PVT1: variants seen among roughly 807,000 people sequenced by gnomAD.
The protein encoded by PVT1 is Pvt1 oncogene.
At chr8:128,039,821 T>C (rs898340909) in intron 4 of PVT1, among the ~76,000 whole-genome samples, 7 of 152,164 alleles carry the variant, frequency 4.6e-5, no homozygotes, top group Non-Finnish European at 7.4e-5. Flanking sequence ...ATTGCAGTAA[T>C]CCTGGCCTGG....
chr8:127,935,624 C>A (rs749943843), intron 3 of PVT1, among the ~76,000 whole-genome samples: 1 of 152,096 alleles, frequency 6.6e-6, no homozygotes, highest in Non-Finnish European at 1.5e-5. Flanking sequence ...AGAAGGTGAG[C>A]CATGCGTGGC....
chr8:127,934,001 G>A (rs1258177642), intron 3 of PVT1, among the ~76,000 whole-genome samples: 5 of 152,364 alleles, frequency 3.3e-5, no homozygotes, highest in Non-Finnish European at 7.3e-5. Context: ...TTACAGAGCT[G>A]TAGGTTGCTC....
chr8:127,868,806 CAT>C (rs74186491), intron 2 of PVT1, among the ~76,000 whole-genome samples: 1,792 of 33,152 alleles, frequency 0.054, 29 homozygotes, highest in East Asian at 0.079. Context: ...TATATATGTA[CAT>C]ATATATATAT....
At position 127,822,396 on chromosome 8, in the gene PVT1, G is replaced by T. The variant is rs186145119; in HGVS notation, n.372+26325G>T. ...GTTCTTGACCAGCCTGGCCAGCATG[G>T]TGAAATCCCATATCTACTAAAAATA... On this transcript the variant is annotated intron_variant and non_coding_transcript_variant, in intron 2 of 10. Coordinates refer to ENST00000651587, the Ensembl canonical transcript of PVT1. Among the ~76,000 whole-genome samples the T allele has an allele frequency of 2.9e-4, 44 of 152,310 alleles. 1 individual carries two copies. Among genetic ancestry groups the T allele is most frequent in the Middle Eastern group, 3.4e-3 (1 of 294 alleles).
intron 4 of PVT1, among the ~76,000 whole-genome samples, chr8:128,008,645 A>G (rs1026791380): frequency 6.6e-6 from 1 of 152,182 alleles, no homozygotes; most frequent in Non-Finnish European, 1.5e-5. Context: ...CTCTGACATG[A>G]TGTCTCTACG....
At chr8:128,025,276 C>T (rs1455247865) in intron 4 of PVT1, among the ~76,000 whole-genome samples, 1 of 152,136 alleles carries the variant, frequency 6.6e-6, no homozygotes, top group Non-Finnish European at 1.5e-5. Flanking sequence ...CCTCGGGGGC[C>T]AGCTGCTGGG....
At chr8:127,970,698 G>A (rs576995146) in intron 3 of PVT1, among the ~76,000 whole-genome samples, 59 of 152,074 alleles carry the variant, frequency 3.9e-4, no homozygotes, top group Admixed American at 8.5e-4. Flanking sequence ...TTGGTTATGG[G>A]CACTTTAGGG....
chr8:127,816,097 C>T (rs923285545), intron 2 of PVT1, among the ~76,000 whole-genome samples: 1 of 149,854 alleles, frequency 6.7e-6, no homozygotes, highest in Non-Finnish European at 1.5e-5. Context: ...GCACTCCAGC[C>T]TAGGCAACAG....
chr8:128,093,830 G>T (rs1251173196), intron 5 of PVT1, among the ~76,000 whole-genome samples: 2 of 152,056 alleles, frequency 1.3e-5, no homozygotes, highest in Non-Finnish European at 2.9e-5. Context: ...TAGAGACAGG[G>T]TTTCACCATA....
At chr8:127,922,433 C>G (rs913277012) in intron 3 of PVT1, among the ~76,000 whole-genome samples, 4 of 152,014 alleles carry the variant, frequency 2.6e-5, no homozygotes, top group Non-Finnish European at 5.9e-5. Context: ...ATATCTGGAC[C>G]TATTTTAAGT....
At chr8:128,069,315 T>C (rs574059928) in intron 4 of PVT1, among the ~76,000 whole-genome samples, 1 of 152,192 alleles carries the variant, frequency 6.6e-6, no homozygotes, top group Non-Finnish European at 1.5e-5. Context: ...CTTATTCAGT[T>C]AAACTTCAGT....
intron 3 of PVT1, among the ~76,000 whole-genome samples, chr8:127,954,540 G>A (rs1402248065): frequency 2.0e-5 from 3 of 152,026 alleles, no homozygotes; most frequent in South Asian, 2.1e-4. Flanking sequence ...TGATCCACCC[G>A]CCTCGGCCTC....
chr8:127,820,553 A>C (rs890003474), intron 2 of PVT1, among the ~76,000 whole-genome samples: 7 of 152,090 alleles, frequency 4.6e-5, no homozygotes, highest in African/African-American at 1.7e-4. Context: ...CGAGGGAAGG[A>C]GGTACACATT....
intron 3 of PVT1, among the ~76,000 whole-genome samples, chr8:127,951,045 G>A (rs1260843820): frequency 2.6e-5 from 4 of 152,172 alleles, no homozygotes; most frequent in Non-Finnish European, 2.9e-5. Context: ...TTACAGGCAT[G>A]TGCCACCATG....
At chr8:127,884,141 C>A (rs931757273) in intron 2 of PVT1, among the ~76,000 whole-genome samples, 1 of 152,198 alleles carries the variant, frequency 6.6e-6, no homozygotes, top group Non-Finnish European at 1.5e-5. Flanking sequence ...ATTTTGGAAG[C>A]CCCCTCCCAG....
At chr8:128,016,241 C>T (rs998054319) in intron 4 of PVT1, among the ~76,000 whole-genome samples, 1 of 151,410 alleles carries the variant, frequency 6.6e-6, no homozygotes, top group Non-Finnish European at 1.5e-5. Context: ...CACACCATTG[C>T]ACTCCAGCCT....
chr8:128,008,847 G>A (rs1469457942), intron 4 of PVT1: 3 of 468,860 alleles, frequency 6.4e-6, no homozygotes, highest in African/African-American at 3.9e-5. Flanking sequence ...ACACAGCCAG[G>A]TCCATCTAGG....
intron 2 of PVT1, among the ~76,000 whole-genome samples, chr8:127,805,787 T>C (rs1814520420): frequency 1.3e-5 from 2 of 152,116 alleles, no homozygotes; most frequent in Admixed American, 6.5e-5. Context: ...GTAAGGAATA[T>C]GAAATAATAT....
chr8:127,958,585 G>A (rs945557412), intron 3 of PVT1, among the ~76,000 whole-genome samples: 4 of 152,182 alleles, frequency 2.6e-5, no homozygotes, highest in Non-Finnish European at 4.4e-5. Flanking sequence ...AGACAGGGCA[G>A]GTTGAAAGGT....
Sources: allele counts gnomAD v4.1 joint callset (sites outside exome capture counted in the v4.1 genomes callset), GRCh38; gene constraint gnomAD v4.1.1; transcripts MANE v1.5; gene names NCBI Gene and HGNC (gene_info 2026-07-23, HGNC 2026-07-21).